The following BIRC6 variants were observed in gnomAD, a reference collection of about 807,000 sequenced individuals.
BIRC6 encodes baculoviral IAP repeat containing 6.
In BIRC6, 98 loss-of-function variants were observed where a neutral mutation model predicts 503.3. The ratio of observed to expected loss-of-function variants is 0.19; its 90% CI spans 0.17 to 0.23. The LOEUF (loss-of-function observed/expected upper bound fraction) is 0.23. BIRC6 is among the 10% of genes least tolerant of loss of function. The probability of loss-of-function intolerance (pLI) is 1.00; values close to 1 mark genes in which losing one functional copy is unlikely to be tolerated. For synonymous variants in BIRC6, 2,240 were observed against 2,078.7 expected (o/e 1.08, Z -2.11); for missense variants, 5,360 against 5,806.0 (o/e 0.92, Z 2.50).
At chr2:32,358,138 C>T (rs889233133) in intron 1 of BIRC6, among the ~76,000 whole-genome samples, 1 of 152,058 alleles carries the variant, frequency 6.6e-6, no homozygotes, top group South Asian at 2.1e-4. Context: ...CTGCGGACGC[C>T]GAAGACGACT....
At chr2:32,533,894 T>G (rs901482658) in intron 61 of BIRC6, among the ~76,000 whole-genome samples, 2 of 152,218 alleles carry the variant, frequency 1.3e-5, no homozygotes, top group African/African-American at 4.8e-5. Flanking sequence ...TCTGAGCCAC[T>G]GAGTTTGTGG....
intron 21 of BIRC6, among the ~76,000 whole-genome samples, chr2:32,447,007 G>A (rs1420590143): frequency 4.3e-5 from 5 of 116,380 alleles, no homozygotes; most frequent in Non-Finnish European, 8.7e-5. Flanking sequence ...ATCTTGCACC[G>A]CCCTTAATCC....
chr2:32,578,388 A>T (rs1409010114), intron 66 of BIRC6, among the ~76,000 whole-genome samples: 1 of 152,188 alleles, frequency 6.6e-6, no homozygotes, highest in Non-Finnish European at 1.5e-5. Context: ...ATTTCACAAA[A>T]ATCCTAGAAT....
chr2:32,480,184 A>T (rs1436738138), intron 37 of BIRC6, among the ~76,000 whole-genome samples: 1 of 152,056 alleles, frequency 6.6e-6, no homozygotes, highest in Non-Finnish European at 1.5e-5. Context: ...TCTGGAGTAG[A>T]TTTCCTGTGT....
chr2:32,460,399 C>T (rs971306468), intron 23 of BIRC6, among the ~76,000 whole-genome samples: 1 of 149,442 alleles, frequency 6.7e-6, no homozygotes, highest in Non-Finnish European at 1.5e-5. Context: ...GCCTCAGCCT[C>T]CCCAGTACCT....
intron 14 of BIRC6, 144 bp downstream of exon 14, chr2:32,435,729 C>A: frequency 2.2e-6 from 2 of 903,610 alleles, no homozygotes; most frequent in Non-Finnish European, 1.6e-6. Context: ...TCTGCTTTGG[C>A]AATATGCTTT....
intron 61 of BIRC6, chr2:32,532,019 G>T: frequency 2.1e-6 from 1 of 475,922 alleles, no homozygotes; most frequent in South Asian, 1.6e-5. Flanking sequence ...GTCAATGTCT[G>T]TGCTTTCCAT....
In BIRC6 at chr2:32,499,837, T is replaced by A; in HGVS notation, c.8759T>A (p.Phe2920Tyr). The change falls in exon 46 of 74, where the codon TTT becomes TAT. Residue 2920 changes from phenylalanine to tyrosine, a missense_variant. Transcript: ENST00000421745. ...CGEMTRDQLM[F>Y]DLLKLVNILV... ...GAAATGACAAGAGATCAACTCATGTTTGATTTGTTAAAACTTGTTAACATT... is the reference window on the plus strand; with the variant it reads ...GAAATGACAAGAGATCAACTCATGTATGATTTGTTAAAACTTGTTAACATT... 6.2e-7 allele frequency: 1 copy of A among 1,614,042 alleles called. No individual in the cohort carries two copies. Among genetic ancestry groups the A allele is most frequent in the Non-Finnish European group, 8.5e-7 (1 of 1,179,896 alleles).
intron 8 of BIRC6, among the ~76,000 whole-genome samples, chr2:32,404,306 T>C (rs1297454735): frequency 6.6e-6 from 1 of 152,096 alleles, no homozygotes; most frequent in Non-Finnish European, 1.5e-5. Flanking sequence ...AATTTAGTTA[T>C]TTTATTCATA....
At chr2:32,610,793 G>T (rs1243347137) in intron 72 of BIRC6, among the ~76,000 whole-genome samples, 1 of 151,716 alleles carries the variant, frequency 6.6e-6, no homozygotes, top group African/African-American at 2.4e-5. Context: ...CTTTTTGATG[G>T]AGTCTTGCTC....
At chr2:32,460,428 C>A (rs2047764712) in intron 23 of BIRC6, among the ~76,000 whole-genome samples, 1 of 150,924 alleles carries the variant, frequency 6.6e-6, no homozygotes, top group African/African-American at 2.4e-5. Context: ...AGGTGCCCAC[C>A]ACCACACCCA....
chr2:32,453,811 A>T lies in BIRC6; in HGVS notation c.4622A>T (p.Asn1541Ile), dbSNP rs1281316329. ...EIDLSDVLSG[N>I]GKVSSCTAAE... ...AAAACTTGTCTTTTGCCATTAGGAA[A>T]TGGAAAGGTCAGTAGTTGCACAGCT... is the stretch of plus-strand genomic sequence containing the variant. Residue 1541 changes from asparagine (N) to isoleucine (I), a missense_variant, in exon 23 of 74, where the codon AAT becomes ATT. Asn to Ile is a moderately radical substitution (Grantham distance 149, BLOSUM62 -3). Around this residue, in one of 16 missense-constraint regions of BIRC6, gnomAD observed 2,299 missense variants for 2,267.2 expected, o/e 1.01. Transcript: ENST00000421745. The T allele has an allele frequency of 1.1e-5, 17 of 1,612,062 alleles. No individual in the cohort carries two copies. The highest frequency in any genetic ancestry group is 1.4e-5 in the Non-Finnish European group (17 of 1,179,262).
chr2:32,457,496 A>G (rs1484236624), intron 23 of BIRC6, among the ~76,000 whole-genome samples: 3 of 151,996 alleles, frequency 2.0e-5, no homozygotes, highest in Non-Finnish European at 2.9e-5. Context: ...TAATTGTATC[A>G]TTGAGATCAC....
At chr2:32,520,058 T>C (rs1276254201) in intron 57 of BIRC6, among the ~76,000 whole-genome samples, 1 of 152,228 alleles carries the variant, frequency 6.6e-6, no homozygotes, top group African/African-American at 2.4e-5. Context: ...TATATTTCTA[T>C]CTGTATACAT....
At chr2:32,435,620 TA>T in intron 14 of BIRC6, 35 bp downstream of exon 14, 1 of 1,533,554 alleles carries the variant, frequency 6.5e-7, no homozygotes, top group Non-Finnish European at 8.8e-7. Context: ...TCCATGACAG[TA>T]AAAGGAGTAG....
At chr2:32,507,694 A>G (rs556043242) in intron 50 of BIRC6, among the ~76,000 whole-genome samples, 8 of 152,372 alleles carry the variant, frequency 5.3e-5, no homozygotes, top group African/African-American at 1.9e-4. Flanking sequence ...CATAGGGAGC[A>G]TCAGGTACAT....
intron 66 of BIRC6, among the ~76,000 whole-genome samples, chr2:32,580,560 A>G (rs1028869445): frequency 5.3e-5 from 8 of 152,144 alleles, no homozygotes; most frequent in African/African-American, 1.7e-4. Flanking sequence ...AAACAGGAAT[A>G]TATCACAGAG....
Position 32,481,344 on chromosome 2 carries a change from A to G in BIRC6, c.7433A>G (p.Glu2478Gly). Residue 2478 changes from glutamate (E) to glycine (G), a missense_variant, in exon 38 of 74, where the codon GAA becomes GGA. By Grantham distance (98) the Glu-to-Gly change is moderately conservative (BLOSUM62 -2). Transcript: ENST00000421745. ...ITGAPPLSSL[E>G]KDKEIDLELL... is the part of the protein sequence containing the mutation. Reference sequence around the variant, plus strand: ...GGTGCACCTCCTCTGTCCTCTTTGGAAAAAGATAAAGAAATTGACCTTGAG... The same window carrying G: ...GGTGCACCTCCTCTGTCCTCTTTGGGAAAAGATAAAGAAATTGACCTTGAG... The G allele has an allele frequency of 6.2e-7, 1 of 1,609,418 alleles. No individual in the cohort carries two copies. Among genetic ancestry groups the G allele is most frequent in the Non-Finnish European group, 8.5e-7 (1 of 1,177,488 alleles).
chr2:32,468,133 T>C, intron 28 of BIRC6, 22 bp downstream of exon 28: 1 of 1,601,890 alleles, frequency 6.2e-7, no homozygotes, highest in Non-Finnish European at 8.5e-7. Context: ...GTGCAAATTT[T>C]AATGTTATTG....
Sources: gnomAD v4.1 joint callset for allele counts (sites outside exome capture counted in the v4.1 genomes callset) on GRCh38, gnomAD v4.1.1 for gene constraint, gnomAD v4.1.1 regional missense constraint, MANE v1.5 for transcripts, NCBI Gene and HGNC (gene_info 2026-07-23, HGNC 2026-07-21) for gene names.